Variants in SPAG16 observed in about 807,000 individuals in gnomAD.
The protein encoded by SPAG16 is sperm associated antigen 16.
Under a neutral mutation model 80.4 loss-of-function variants are expected in SPAG16, and 86 were observed. The ratio of observed to expected loss-of-function variants is 1.07; its 90% CI spans 0.90 to 1.28. The LOEUF is 1.28. Ranked by LOEUF, SPAG16 falls within the 50% of genes most tolerant of loss-of-function variation. The pLI is 0.00. For missense variants in SPAG16, 870 were observed against 765.3 expected (o/e 1.14, Z -1.61); for synonymous variants, 294 against 265.9 (o/e 1.11, Z -1.03).
intron 10 of SPAG16, among the ~76,000 whole-genome samples, chr2:213,848,695 T>G (rs2074749588): frequency 6.6e-6 from 1 of 152,186 alleles, no homozygotes; most frequent in Non-Finnish European, 1.5e-5. Context: ...CCTGTTCCCT[T>G]CGTCCCATCC....
At chr2:213,587,617 C>T (rs1226030170) in intron 10 of SPAG16, among the ~76,000 whole-genome samples, 1 of 151,786 alleles carries the variant, frequency 6.6e-6, no homozygotes, top group Non-Finnish European at 1.5e-5. Flanking sequence ...GTCACTTGGC[C>T]ACACCTTAGT....
Position 213,284,515 on chromosome 2 carries a change from C to T in SPAG16, c.32C>T (p.Ala11Val), listed in dbSNP as rs777614539. The T allele has an allele frequency of 6.3e-7, 1 of 1,584,884 alleles. No homozygotes were observed. The highest frequency in any genetic ancestry group is 1.8e-5 in the Admixed American group (1 of 55,350). Residue 11 changes from alanine (A) to valine (V), a missense_variant, in exon 1 of 16, where the codon GCC becomes GTC. Physicochemically the swap from Ala to Val is moderately conservative, Grantham distance 64. Coordinates refer to ENST00000331683, the MANE Select transcript of SPAG16 (RefSeq NM_024532.5). MAAQRGMPSS[A>V]VRVLEEALGM... ...GCTCAGCGAGGGATGCCCAGCTCCGCCGTGAGGGTCCTGGAAGAGGCGTTG... is the reference window on the plus strand; with the variant it reads ...GCTCAGCGAGGGATGCCCAGCTCCGTCGTGAGGGTCCTGGAAGAGGCGTTG...
At chr2:213,928,904 TACACACACACACACAC>T (rs71063798) in intron 11 of SPAG16, among the ~76,000 whole-genome samples, 26 of 143,078 alleles carry the variant, frequency 1.8e-4, no homozygotes, top group Admixed American at 6.3e-4. Context: ...CAGCTGATGT[TACACACACACACACAC>T]ACACACACAC....
At chr2:213,335,543 T>G (rs1367989005) in intron 5 of SPAG16, among the ~76,000 whole-genome samples, 1 of 151,790 alleles carries the variant, frequency 6.6e-6, no homozygotes, top group Non-Finnish European at 1.5e-5. Flanking sequence ...AGTATCTATA[T>G]TATTTCTCAA....
intron 10 of SPAG16, among the ~76,000 whole-genome samples, chr2:213,761,690 C>A (rs2068663857): frequency 6.6e-6 from 1 of 151,962 alleles, no homozygotes; most frequent in African/African-American, 2.4e-5. Flanking sequence ...GAAACCCCAT[C>A]TGTACTAAAA....
intron 14 of SPAG16, among the ~76,000 whole-genome samples, chr2:214,115,476 T>C (rs1456013475): frequency 6.6e-6 from 1 of 152,260 alleles, no homozygotes; most frequent in East Asian, 1.9e-4. Context: ...GGGAAAATTC[T>C]ACAATTTCAG....
At chr2:214,185,448 T>G (rs1040032216) in intron 15 of SPAG16, among the ~76,000 whole-genome samples, 2 of 151,798 alleles carry the variant, frequency 1.3e-5, no homozygotes, top group Non-Finnish European at 2.9e-5. Flanking sequence ...TTCGCATAAA[T>G]AGATATACCT....
At chr2:213,775,757 A>T (rs1294286845) in intron 10 of SPAG16, among the ~76,000 whole-genome samples, 1 of 152,228 alleles carries the variant, frequency 6.6e-6, no homozygotes, top group Non-Finnish European at 1.5e-5. Context: ...CTACATCTTT[A>T]TAAGTAGAAG....
At chr2:213,322,322 G>T (rs2063650385) in intron 5 of SPAG16, among the ~76,000 whole-genome samples, 2 of 102,558 alleles carry the variant, frequency 2.0e-5, no homozygotes, top group African/African-American at 3.8e-5. Context: ...TCTTTCCATA[G>T]TGTAGACAAT....
intron 15 of SPAG16, among the ~76,000 whole-genome samples, chr2:214,336,524 C>T (rs1301529968): frequency 6.6e-6 from 1 of 151,926 alleles, no homozygotes; most frequent in African/African-American, 2.4e-5. Flanking sequence ...AGCTTAGAAC[C>T]AGGATAACTG....
At chr2:213,470,255 G>T (rs1234420927) in intron 9 of SPAG16, among the ~76,000 whole-genome samples, 1 of 152,158 alleles carries the variant, frequency 6.6e-6, no homozygotes, top group Non-Finnish European at 1.5e-5. Flanking sequence ...GGATGATGGG[G>T]AACATGATAA....
At chr2:213,962,833 A>G (rs948827555) in intron 12 of SPAG16, among the ~76,000 whole-genome samples, 6 of 152,192 alleles carry the variant, frequency 3.9e-5, no homozygotes, top group African/African-American at 9.6e-5. Flanking sequence ...GTTGTCTATC[A>G]TAGTACTTTG....
At chr2:213,839,543 T>G (rs1258374112) in intron 10 of SPAG16, among the ~76,000 whole-genome samples, 1 of 152,184 alleles carries the variant, frequency 6.6e-6, no homozygotes, top group African/African-American at 2.4e-5. Flanking sequence ...CTAATCAAGT[T>G]GCAAACTTTG....
At chr2:214,013,283 C>A (rs1037628098) in intron 12 of SPAG16, among the ~76,000 whole-genome samples, 2 of 151,498 alleles carry the variant, frequency 1.3e-5, no homozygotes, top group Non-Finnish European at 2.9e-5. Flanking sequence ...TAGAGAGATC[C>A]AATCAGGGTA....
chr2:214,064,304 AAAT>A (rs1454449323), intron 13 of SPAG16, among the ~76,000 whole-genome samples: 1 of 152,104 alleles, frequency 6.6e-6, no homozygotes, highest in Non-Finnish European at 1.5e-5. Flanking sequence ...TTAGCTTTTT[AAAT>A]AATAAGTATG....
At chr2:214,386,519 G>A (rs1163937639) in intron 15 of SPAG16, among the ~76,000 whole-genome samples, 1 of 152,104 alleles carries the variant, frequency 6.6e-6, no homozygotes, top group African/African-American at 2.4e-5. Flanking sequence ...ATAGATAAAT[G>A]TTGTTCTAAC....
intron 12 of SPAG16, among the ~76,000 whole-genome samples, chr2:213,980,631 ATG>A (rs1202395098): frequency 6.9e-6 from 1 of 144,564 alleles, no homozygotes; most frequent in Non-Finnish European, 1.5e-5. Context: ...TATAGAATAT[ATG>A]TGTGTATATA....
At chr2:213,977,472 G>A (rs901205030) in intron 12 of SPAG16, among the ~76,000 whole-genome samples, 32 of 151,948 alleles carry the variant, frequency 2.1e-4, no homozygotes, top group African/African-American at 7.5e-4. Flanking sequence ...GACAACAGAG[G>A]ATAATAGTTG....
chr2:214,089,940 G>C (rs1187178467), intron 13 of SPAG16, among the ~76,000 whole-genome samples: 1 of 151,988 alleles, frequency 6.6e-6, no homozygotes, highest in African/African-American at 2.4e-5. Context: ...AAGTTAATGA[G>C]TGTCTGCTCC....
Sources: allele counts gnomAD v4.1 joint callset (sites outside exome capture counted in the v4.1 genomes callset), GRCh38; gene constraint gnomAD v4.1.1; transcripts MANE v1.5; gene names NCBI Gene and HGNC (gene_info 2026-07-23, HGNC 2026-07-21).